SPAG9: variants seen among roughly 807,000 people sequenced by gnomAD.
The protein encoded by SPAG9 is C-Jun-amino-terminal kinase-interacting protein 4.
SPAG9 carries 35 observed loss-of-function variants against 166.5 expected under a neutral mutation model. The observed-to-expected ratio is 0.21, with a 90% CI of 0.16 to 0.28. The LOEUF is 0.28. SPAG9 is among the 10% of genes least tolerant of loss of function. The pLI is 1.00. For synonymous variants in SPAG9, 534 were observed against 565.5 expected (o/e 0.94, Z 0.79); for missense variants, 1,235 against 1,603.3 (o/e 0.77, Z 3.92).
At chr17:51,106,970 T>C (rs983518556) in intron 1 of SPAG9, among the ~76,000 whole-genome samples, 1 of 150,352 alleles carries the variant, frequency 6.7e-6, no homozygotes, top group African/African-American at 2.5e-5. Flanking sequence ...AGCATGGCGG[T>C]GCACGCCTGT....
At chr17:50,969,300 A>G (rs147779356) in intron 29 of SPAG9, among the ~76,000 whole-genome samples, 18 of 152,212 alleles carry the variant, frequency 1.2e-4, no homozygotes, top group Middle Eastern at 3.4e-3. Context: ...GCTCTTCAAG[A>G]TCAACATGAT....
At chr17:51,074,231 G>A (rs760129268) in intron 2 of SPAG9, among the ~76,000 whole-genome samples, 28 of 150,380 alleles carry the variant, frequency 1.9e-4, no homozygotes, top group Non-Finnish European at 3.4e-4. Flanking sequence ...GCGAGACTCC[G>A]TCTCAAAAAA....
At position 51,108,865 on chromosome 17, in the gene SPAG9, T is replaced by C. The variant is rs1029125396; in HGVS notation, c.303+11489A>G. Among the ~76,000 whole-genome samples, 4 of 151,916 alleles carry C rather than the reference T, an allele frequency of 2.6e-5. No homozygotes were observed. The East Asian group carries it at 5.8e-4, about 22-fold the overall frequency. On this transcript the variant is annotated intron_variant, in intron 1 of 29. Transcript: ENST00000262013. ...TTTTTTTGAGACAAAAGTTTCGCTC[T>C]TGTTGCCCAGGCTGGAGTGCAATGG... is the stretch of plus-strand genomic sequence containing the variant.
At chr17:50,981,483 A>AAGATAGAT (rs71353692) in intron 25 of SPAG9, among the ~76,000 whole-genome samples, 4,803 of 143,882 alleles carry the variant, frequency 0.033, 79 homozygotes, top group East Asian at 0.036. Context: ...TACACAGATA[A>AAGATAGAT]AGATAGATAG....
intron 1 of SPAG9, among the ~76,000 whole-genome samples, chr17:51,083,337 T>C (rs1204520618): frequency 6.6e-6 from 1 of 151,162 alleles, no homozygotes; most frequent in African/African-American, 2.4e-5. Context: ...CGAGTTCAAG[T>C]GATTCTCCTG....
rs191729998 is a variant in SPAG9, at chr17:51,074,376, C to A, written c.424+5208G>T. Among the ~76,000 whole-genome samples the A allele has an allele frequency of 2.6e-3, 394 of 152,280 alleles. 1 individual carries two copies. Among genetic ancestry groups the A allele is most frequent in the Non-Finnish European group, 4.0e-3 (274 of 68,014 alleles). ...GGAGGCAGAGTGAACCGAGATGGTG[C>A]TACTGCACTCCAGTCTGGGTGACAG... On this transcript the variant is annotated intron_variant, in intron 2 of 29. Coordinates refer to ENST00000262013, the MANE Select transcript of SPAG9 (RefSeq NM_001130528.3).
chr17:51,009,795 A>C (rs999015361), intron 9 of SPAG9, among the ~76,000 whole-genome samples: 2 of 152,182 alleles, frequency 1.3e-5, no homozygotes, highest in African/African-American at 2.4e-5. Context: ...GACCCGGATG[A>C]AGTAGAAATA....
chr17:50,976,225 T>C lies in SPAG9; in HGVS notation c.3523+883A>G, dbSNP rs56253312. 3.7e-3 allele frequency among the ~76,000 whole-genome samples: 569 copies of C among 152,304 alleles called. 3 individuals carry two copies. The highest frequency in any genetic ancestry group is 0.013 in the African/African-American group (552 of 41,574). The stretch of plus-strand genomic sequence containing the variant: ...CTAAATGCTAAAATTTCTCCTTTAT[T>C]TCTCTGTGTGTGTGTGTTTTAAAAA... On this transcript the variant is annotated intron_variant, in intron 27 of 29. Coordinates refer to ENST00000262013, the MANE Select transcript of SPAG9 (RefSeq NM_001130528.3).
chr17:51,047,427 G>A lies in SPAG9; in HGVS notation c.538C>T (p.His180Tyr), dbSNP rs762655226. The A allele has an allele frequency of 3.8e-6, 6 of 1,591,932 alleles. No homozygotes were observed. The Admixed American group carries it at 1.0e-4, about 27-fold the overall frequency. ...YMEHLERTKL[H>Y]QLSGSDQLES... is the part of the protein sequence containing the mutation. ...AGTTGATCACTCCCTGAGAGCTGAT[G>A]AAGTTTTGTTCTTTCTAAATGTTCC... Residue 180 changes from histidine to tyrosine, a missense_variant, in exon 4 of 30, where the codon CAT (histidine) becomes TAT (tyrosine). By Grantham distance (83) the His-to-Tyr change is moderately conservative. Transcript: ENST00000262013.
chr17:51,077,041 T>TAGCTATCTAGCTAGCTAGCTATCTAG (rs2048015977), intron 2 of SPAG9, among the ~76,000 whole-genome samples: 3 of 98,516 alleles, frequency 3.0e-5, no homozygotes, highest in African/African-American at 1.2e-4. Flanking sequence ...TATCTAGCTA[T>TAGCTATCTAGCTAGCTAGCTATCTAG]CTAGCTATCT....
intron 5 of SPAG9, among the ~76,000 whole-genome samples, chr17:51,039,902 G>A (rs1223229537): frequency 6.6e-6 from 1 of 152,042 alleles, no homozygotes; most frequent in Non-Finnish European, 1.5e-5. Flanking sequence ...TAAACCTGCA[G>A]GAAGGCTAAA....
intron 3 of SPAG9, among the ~76,000 whole-genome samples, chr17:51,050,126 A>G (rs890802457): frequency 6.6e-6 from 1 of 152,178 alleles, no homozygotes; most frequent in Non-Finnish European, 1.5e-5. Flanking sequence ...ATCTTATTCT[A>G]AACTTTCTTT....
intron 25 of SPAG9, among the ~76,000 whole-genome samples, chr17:50,981,413 G>C (rs980539212): frequency 1.3e-5 from 2 of 151,986 alleles, no homozygotes; most frequent in Admixed American, 6.6e-5. Context: ...TGGATGGATG[G>C]ATGGATGGAT....
chr17:50,985,109 C>T, intron 23 of SPAG9, 119 bp from the exon 24 acceptor site: 1 of 761,008 alleles, frequency 1.3e-6, no homozygotes, highest in Non-Finnish European at 2.3e-6. Context: ...AAGGAGCTGA[C>T]ACCTGAATAT....
At chr17:50,993,315 CAAAAAAAAAAA>C (rs71149333) in intron 19 of SPAG9, among the ~76,000 whole-genome samples, 1 of 79,858 alleles carries the variant, frequency 1.3e-5, no homozygotes, top group African/African-American at 4.8e-5. Context: ...GACTCTGTCT[CAAAAAAAAAAA>C]AAAAAAAAAA....
chr17:50,982,714 G>A (rs1330114632), intron 24 of SPAG9, 42 bp from the exon 25 acceptor site: 2 of 1,511,694 alleles, frequency 1.3e-6, no homozygotes, highest in African/African-American at 1.4e-5. Flanking sequence ...CATACCACCT[G>A]TTACTCAATT....
intron 26 of SPAG9, 117 bp downstream of exon 26, chr17:50,979,629 A>G (rs1293092715): frequency 3.3e-5 from 31 of 944,008 alleles, no homozygotes; most frequent in Non-Finnish European, 3.3e-5. Flanking sequence ...GCACCTGTGC[A>G]TAGCCACTGC....
chr17:51,007,409 G>C, intron 9 of SPAG9, 83 bp from the exon 10 acceptor site: 1 of 689,842 alleles, frequency 1.4e-6, no homozygotes, highest in African/African-American at 1.9e-5. Context: ...ATAGTCACAA[G>C]TTTTATTTTA....
At chr17:51,037,687 T>TATATATATATATATATATATA (rs1568028331) in intron 5 of SPAG9, among the ~76,000 whole-genome samples, 2 of 74,146 alleles carry the variant, frequency 2.7e-5, no homozygotes, top group African/African-American at 9.7e-5. Flanking sequence ...ATATATATAG[T>TATATATATATATATATATATA]GTGTGTGTGT....
Sources: gnomAD v4.1 joint callset for allele counts (sites outside exome capture counted in the v4.1 genomes callset) on GRCh38, gnomAD v4.1.1 for gene constraint, MANE v1.5 for transcripts, NCBI Gene and HGNC (gene_info 2026-07-23, HGNC 2026-07-21) for gene names.